MEIS2: variants seen among roughly 807,000 people sequenced by gnomAD.
MEIS2 encodes the protein Meis homeobox 2.
MEIS2 carries 9 observed loss-of-function variants against 58.6 expected under a neutral mutation model. The ratio of observed to expected loss-of-function variants is 0.15; its 90% confidence interval spans 0.09 to 0.27. The LOEUF (loss-of-function observed/expected upper bound fraction) is 0.27. Among genes scored for constraint, MEIS2 ranks in the 10% least tolerant of loss-of-function variants. MEIS2 has a pLI of 1.00. For missense variants in MEIS2, 427 were observed against 635.0 expected (o/e 0.67, Z 3.52); for synonymous variants, 221 against 228.4 (o/e 0.97, Z 0.29).
chr15:36,943,216 A>C (rs1032214487), intron 9 of MEIS2, among the ~76,000 whole-genome samples: 4 of 152,086 alleles, frequency 2.6e-5, no homozygotes, highest in Non-Finnish European at 5.9e-5. Context: ...CATGCAACCC[A>C]CTGAAATATA....
chr15:37,059,599 A>G (rs1888908446), intron 7 of MEIS2, among the ~76,000 whole-genome samples: 1 of 152,124 alleles, frequency 6.6e-6, no homozygotes, highest in African/African-American at 2.4e-5. Flanking sequence ...AGATAAATAA[A>G]ATTTTCCTAA....
chr15:37,059,623 T>C (rs1888913314), intron 7 of MEIS2, among the ~76,000 whole-genome samples: 2 of 122,654 alleles, frequency 1.6e-5, no homozygotes, highest in African/African-American at 6.0e-5. Flanking sequence ...TACTGCCTTC[T>C]TTTTTTTTTT....
chr15:37,052,450 A>C (rs1336616447), intron 7 of MEIS2, among the ~76,000 whole-genome samples: 1 of 152,178 alleles, frequency 6.6e-6, no homozygotes, highest in Non-Finnish European at 1.5e-5. Context: ...CTTGAACTCT[A>C]AATCCTGAAC....
chr15:37,002,433 T>A (rs778338372), intron 8 of MEIS2, among the ~76,000 whole-genome samples: 6 of 152,210 alleles, frequency 3.9e-5, no homozygotes, highest in Non-Finnish European at 8.8e-5. Context: ...TTAATTTATG[T>A]TACATATTCA....
intron 8 of MEIS2, among the ~76,000 whole-genome samples, chr15:37,019,108 T>C (rs1035009204): frequency 6.7e-6 from 1 of 148,200 alleles, no homozygotes; most frequent in African/African-American, 2.5e-5. Context: ...TCAAGAGAGA[T>C]AGACTGTTTT....
intron 8 of MEIS2, among the ~76,000 whole-genome samples, chr15:36,996,990 A>G (rs886224546): frequency 2.6e-5 from 4 of 152,204 alleles, no homozygotes; most frequent in African/African-American, 9.6e-5. Flanking sequence ...GAATCACTGA[A>G]AGGGAAGCCC....
chr15:37,047,250 C>T (rs140574918), intron 7 of MEIS2, among the ~76,000 whole-genome samples: 1 of 152,242 alleles, frequency 6.6e-6, no homozygotes, highest in Non-Finnish European at 1.5e-5. Context: ...CAAGTCCCAG[C>T]TCTCAAATTT....
chr15:37,082,560 A>T (rs896051851), intron 7 of MEIS2, among the ~76,000 whole-genome samples: 2 of 152,104 alleles, frequency 1.3e-5, no homozygotes, highest in African/African-American at 2.4e-5. Context: ...TAATTTACTT[A>T]TCTTTTATAT....
intron 9 of MEIS2, among the ~76,000 whole-genome samples, chr15:36,946,003 G>T (rs1004588141): frequency 6.6e-6 from 1 of 151,920 alleles, no homozygotes; most frequent in Non-Finnish European, 1.5e-5. Flanking sequence ...GTTTTTAAAA[G>T]TACAGTATTC....
chr15:36,945,523 A>G (rs1362851627), intron 9 of MEIS2, among the ~76,000 whole-genome samples: 3 of 152,062 alleles, frequency 2.0e-5, no homozygotes, highest in Admixed American at 2.0e-4. Context: ...AAAGAGAAGA[A>G]GGCTAGAAAG....
chr15:36,898,099 G>A (rs1488343529), intron 9 of MEIS2: 1 of 152,202 alleles, frequency 6.6e-6, no homozygotes, highest in Non-Finnish European at 1.5e-5. Flanking sequence ...ACTTAAGAAA[G>A]TGTAGCTCAG....
chr15:36,995,991 ATATATATATATG>A (rs1297673398), intron 8 of MEIS2, among the ~76,000 whole-genome samples: 6 of 50,054 alleles, frequency 1.2e-4, no homozygotes, highest in African/African-American at 3.1e-4. Flanking sequence ...ATATATATAT[ATATATATATATG>A]TATATATATA....
At chr15:36,898,435 CACTCGGCAGGGGTTTT>C (rs1452089695) in intron 9 of MEIS2, 2 of 152,248 alleles carry the variant, frequency 1.3e-5, no homozygotes, top group African/African-American at 4.8e-5. Context: ...TAGAGGACAA[CACTCGGCAGGGGTTTT>C]ACCCCCTTTT....
chr15:37,094,673 G>C (rs938892498), intron 4 of MEIS2, 96 bp from the exon 5 acceptor site: 1 of 986,226 alleles, frequency 1.0e-6, no homozygotes, highest in Non-Finnish European at 1.5e-6. Flanking sequence ...TGAGAAAGTT[G>C]GGCTGGGGAG....
At chr15:37,068,115 G>A (rs78886028) in intron 7 of MEIS2, among the ~76,000 whole-genome samples, 32 of 152,260 alleles carry the variant, frequency 2.1e-4, no homozygotes, top group Admixed American at 1.1e-3. Context: ...TTTAGGCTTC[G>A]AAGAATTAAA....
chr15:36,961,343 C>T (rs1486053557), intron 8 of MEIS2, among the ~76,000 whole-genome samples: 1 of 151,938 alleles, frequency 6.6e-6, no homozygotes, highest in African/African-American at 2.4e-5. Flanking sequence ...TAACCAACCC[C>T]CCCAAAATAA....
At chr15:36,923,939 C>A (rs1053896869) in intron 9 of MEIS2, among the ~76,000 whole-genome samples, 4 of 152,192 alleles carry the variant, frequency 2.6e-5, no homozygotes, top group Non-Finnish European at 4.4e-5. Context: ...AATGAGAAAA[C>A]CTTTCTATCC....
At chr15:37,062,581 A>T (rs920764424) in intron 7 of MEIS2, among the ~76,000 whole-genome samples, 1 of 152,184 alleles carries the variant, frequency 6.6e-6, no homozygotes, top group Admixed American at 6.5e-5. Context: ...TGGAGATTGA[A>T]CAGGCCAATA....
At chr15:37,082,399 C>T (rs374743719) in intron 7 of MEIS2, among the ~76,000 whole-genome samples, 2 of 151,874 alleles carry the variant, frequency 1.3e-5, no homozygotes, top group African/African-American at 2.4e-5. Context: ...TTTGTGTCGC[C>T]GCAATTTGGG....
Sources: gnomAD v4.1 joint callset for allele counts (sites outside exome capture counted in the v4.1 genomes callset) on GRCh38, gnomAD v4.1.1 for gene constraint, MANE v1.5 for transcripts, NCBI Gene and HGNC (gene_info 2026-07-23, HGNC 2026-07-21) for gene names.